The following ZNF487 variants were observed in gnomAD, a reference collection of about 807,000 sequenced individuals.
ZNF487 encodes zinc finger protein 487, also known as KRAB domain only 1.
A neutral mutation model predicts 3.0 loss-of-function variants in ZNF487; 4 were observed. That is an observed-to-expected ratio of 1.35 (90% confidence interval 0.66 to 3.08). The LOEUF (loss-of-function observed/expected upper bound fraction) is 3.08, where lower values mean the gene tolerates loss of function less well. Among genes scored for constraint, ZNF487 ranks in the 30% most tolerant of loss-of-function variants. The pLI is 0.01. For synonymous variants in ZNF487, 55 were observed against 34.6 expected (o/e 1.59, Z -2.06); for missense variants, 146 against 98.7 (o/e 1.48, Z -2.03).
chr10:43,519,888 A>G, the ZNF487 span, among the ~76,000 whole-genome samples: 1 of 152,154 alleles, frequency 6.6e-6, no homozygotes, highest in Non-Finnish European at 1.5e-5. Context: ...TGTCTTTCAA[A>G]CATGTAGTGC....
intron 1 of ZNF487, among the ~76,000 whole-genome samples, chr10:43,472,944 G>A (rs1161286898): frequency 6.6e-6 from 1 of 151,048 alleles, no homozygotes; most frequent in Non-Finnish European, 1.5e-5. Context: ...ACTTTGGGAG[G>A]CTGAGGCGGG....
chr10:43,482,863 A>T lies in ZNF487; in HGVS notation c.*941A>T, dbSNP rs1199768673. 1 of 531,250 alleles carries T rather than the reference A, an allele frequency of 1.9e-6. No homozygotes were observed. Among genetic ancestry groups the T allele is most frequent in the Non-Finnish European group, 3.9e-6 (1 of 258,564 alleles). 32.9% of individuals were successfully genotyped at this position (531,250 alleles called of 1,614,324 possible). ...AATGAATGTGAGAAAATGTTCTACC[A>T]CAAGTCATCCCTCACAGTACATCAG... On this transcript the variant is annotated 3_prime_UTR_variant, in exon 4 of 4. Transcript: ENST00000437590.
chr10:43,470,328 C>G (rs1273896143), intron 1 of ZNF487, among the ~76,000 whole-genome samples: 1 of 151,720 alleles, frequency 6.6e-6, no homozygotes, highest in Non-Finnish European at 1.5e-5. Flanking sequence ...ATACTCCCAC[C>G]TTAGCCTCCT....
At chr10:43,465,734 T>G (rs1007032484) in intron 1 of ZNF487, among the ~76,000 whole-genome samples, 5 of 139,502 alleles carry the variant, frequency 3.6e-5, no homozygotes, top group African/African-American at 1.1e-4. Context: ...GCTCCTCACA[T>G]CCCAGACGAT....
intron 1 of ZNF487, among the ~76,000 whole-genome samples, chr10:43,440,515 C>T (rs965415653): frequency 6.6e-5 from 10 of 151,886 alleles, no homozygotes; most frequent in Admixed American, 3.3e-4. Context: ...AAAATTAGCC[C>T]GGCATGGTAA....
chr10:43,489,876 G>A, the ZNF487 span, among the ~76,000 whole-genome samples: 1 of 152,018 alleles, frequency 6.6e-6, no homozygotes. Context: ...GGAACAAGAA[G>A]AAAAATAGAA....
downstream of ZNF487, among the ~76,000 whole-genome samples, chr10:43,484,893 A>AT (rs1304721159): frequency 6.6e-6 from 1 of 152,126 alleles, no homozygotes; most frequent in Non-Finnish European, 1.5e-5. Flanking sequence ...TGTATTTTAA[A>AT]TTTTTTTGTG....
the ZNF487 span, among the ~76,000 whole-genome samples, chr10:43,490,500 CTTTTTT>C: frequency 2.6e-5 from 1 of 39,158 alleles, no homozygotes; most frequent in Non-Finnish European, 4.6e-5. Flanking sequence ...AGTAGCTCTA[CTTTTTT>C]TTTTTTTTTT....
chr10:43,488,680 A>C, the ZNF487 span, among the ~76,000 whole-genome samples: 1 of 152,206 alleles, frequency 6.6e-6, no homozygotes, highest in Non-Finnish European at 1.5e-5. Flanking sequence ...TTCTATTAGA[A>C]TATCCTCTCC....
At chr10:43,455,350 CAAGT>C (rs1269587977) in intron 1 of ZNF487, among the ~76,000 whole-genome samples, 15 of 152,274 alleles carry the variant, frequency 9.9e-5, no homozygotes, top group African/African-American at 3.4e-4. Flanking sequence ...CTGTGTATTG[CAAGT>C]AAGTCTCAAA....
the ZNF487 span, among the ~76,000 whole-genome samples, chr10:43,516,569 G>C: frequency 2.6e-5 from 4 of 152,168 alleles, no homozygotes; most frequent in Non-Finnish European, 5.9e-5. Context: ...TGCATGCTGA[G>C]GGGCAAGGAG....
chr10:43,490,920 C>G, the ZNF487 span, among the ~76,000 whole-genome samples: 2 of 150,598 alleles, frequency 1.3e-5, no homozygotes, highest in African/African-American at 4.9e-5. Context: ...GTGATTTCCC[C>G]GCCTCAGACT....
At position 43,475,716 on chromosome 10, in the gene ZNF487, T is replaced by C. The variant is rs755433531; in HGVS notation, c.-93-5T>C. The stretch of plus-strand genomic sequence containing the variant: ...TGTAGAATGAAAACAAATGTACTGT[T>C]CTAGGGATCAGTGTCCTTCAGTGAT... On this transcript the variant is annotated splice_polypyrimidine_tract_variant and splice_region_variant and intron_variant, in intron 1 of 3. Coordinates refer to ENST00000437590, the MANE Select transcript of ZNF487 (RefSeq NM_001355444.3). 7.7e-6 allele frequency: 6 copies of C among 780,362 alleles called. No homozygotes were observed. The highest frequency in any genetic ancestry group is 6.7e-5 in the South Asian group (5 of 74,554). The allele number at this position is 780,362 out of a possible 1,614,324, so 48.3% of individuals were successfully genotyped here. A position where few individuals can be genotyped will look rare whatever the true frequency, so the allele number is the denominator to read the frequency against.
the ZNF487 span, among the ~76,000 whole-genome samples, chr10:43,510,737 A>G: frequency 6.6e-6 from 1 of 152,066 alleles, no homozygotes; most frequent in Non-Finnish European, 1.5e-5. Context: ...TAGTAGAGAC[A>G]GGGTTTCACC....
chr10:43,438,227 C>T (rs1166268634), intron 1 of ZNF487, among the ~76,000 whole-genome samples: 2 of 152,012 alleles, frequency 1.3e-5, no homozygotes, highest in Admixed American at 1.3e-4. Flanking sequence ...CCTCTGTCGC[C>T]CAGGCTGGAG....
At chr10:43,460,380 CTTTTTTTT>C (rs199998705) in intron 1 of ZNF487, among the ~76,000 whole-genome samples, 4 of 121,122 alleles carry the variant, frequency 3.3e-5, no homozygotes, top group African/African-American at 9.7e-5. Context: ...TTCTTTCTTT[CTTTTTTTT>C]TTTTTTTTTT....
intron 1 of ZNF487, among the ~76,000 whole-genome samples, chr10:43,470,651 C>T (rs868845708): frequency 2.0e-5 from 3 of 151,794 alleles, no homozygotes; most frequent in Non-Finnish European, 2.9e-5. Flanking sequence ...TTCCAAAGTG[C>T]TGGGATTACA....
At chr10:43,476,318 G>A in intron 3 of ZNF487, 116 bp downstream of exon 3, 2 of 612,478 alleles carry the variant, frequency 3.3e-6, no homozygotes, top group South Asian at 2.0e-5. Context: ...AGAGTTACCA[G>A]AACTTTGGAA....
At chr10:43,446,097 A>C (rs1486012776) in intron 1 of ZNF487, among the ~76,000 whole-genome samples, 1 of 152,234 alleles carries the variant, frequency 6.6e-6, no homozygotes, top group Non-Finnish European at 1.5e-5. Flanking sequence ...AGACACAGTA[A>C]CAATCTGATC....
Sources: allele counts gnomAD v4.1 joint callset (sites outside exome capture counted in the v4.1 genomes callset), GRCh38; gene constraint gnomAD v4.1.1; transcripts MANE v1.5; gene names NCBI Gene and HGNC (gene_info 2026-07-23, HGNC 2026-07-21).